The following PTPN13 variants were observed in gnomAD, a reference collection of about 807,000 sequenced individuals.
PTPN13 encodes tyrosine-protein phosphatase non-receptor type 13.
In PTPN13, 191 loss-of-function variants were observed where a neutral mutation model predicts 284.0. That is an observed-to-expected ratio of 0.67 (90% CI 0.60 to 0.76). The LOEUF (loss-of-function observed/expected upper bound fraction) is 0.76, where lower values mean the gene tolerates loss of function less well. Ranked by LOEUF, PTPN13 falls within the 30% of genes least tolerant of loss-of-function variation. The pLI, the probability that PTPN13 is intolerant of heterozygous loss-of-function variation, is 0.00. For synonymous variants in PTPN13, 986 were observed against 1,022.3 expected (o/e 0.96, Z 0.68); for missense variants, 2,797 against 2,939.9 (o/e 0.95, Z 1.12).
intron 32 of PTPN13, among the ~76,000 whole-genome samples, chr4:86,773,242 G>A (rs1228640219): frequency 1.3e-5 from 2 of 152,082 alleles, no homozygotes; most frequent in Non-Finnish European, 2.9e-5. Flanking sequence ...ACTATAAAAT[G>A]GAGCAAGTAA....
At chr4:86,782,693 A>T (rs1055999423) in intron 37 of PTPN13, among the ~76,000 whole-genome samples, 2 of 152,204 alleles carry the variant, frequency 1.3e-5, no homozygotes, top group African/African-American at 4.8e-5. Flanking sequence ...AAGTAGCAAA[A>T]AAATAAATAA....
chr4:86,755,418 C>T (rs570736021), intron 20 of PTPN13, among the ~76,000 whole-genome samples: 10 of 148,984 alleles, frequency 6.7e-5, no homozygotes, highest in Non-Finnish European at 1.5e-4. Flanking sequence ...TATGTAAAAA[C>T]TTTTCCAAGA....
chr4:86,670,732 T>A (rs914460818), intron 2 of PTPN13, among the ~76,000 whole-genome samples: 1 of 152,216 alleles, frequency 6.6e-6, no homozygotes, highest in African/African-American at 2.4e-5. Context: ...AATCTCATGG[T>A]TTTGAATGGT....
At chr4:86,630,813 TA>T (rs959077271) in intron 1 of PTPN13, among the ~76,000 whole-genome samples, 1 of 152,168 alleles carries the variant, frequency 6.6e-6, no homozygotes, top group Non-Finnish European at 1.5e-5. Context: ...TGGATTTAGT[TA>T]ATCTGTTTAC....
intron 4 of PTPN13, among the ~76,000 whole-genome samples, chr4:86,687,428 TAG>T (rs985952293): frequency 6.6e-6 from 1 of 152,140 alleles, no homozygotes; most frequent in African/African-American, 2.4e-5. Context: ...AATTTAAAAA[TAG>T]CTATATTTCA....
At chr4:86,675,684 T>G (rs1170599468) in intron 3 of PTPN13, among the ~76,000 whole-genome samples, 2 of 152,144 alleles carry the variant, frequency 1.3e-5, no homozygotes, top group Admixed American at 1.3e-4. Flanking sequence ...CCTTAAAACT[T>G]TACTTTTCAA....
chr4:86,753,997 T>C (rs1020194648), intron 20 of PTPN13, among the ~76,000 whole-genome samples: 6 of 152,078 alleles, frequency 3.9e-5, no homozygotes, highest in Non-Finnish European at 5.9e-5. Flanking sequence ...AATTGCTGGG[T>C]ATTTTTAGGT....
intron 6 of PTPN13, among the ~76,000 whole-genome samples, chr4:86,697,212 AATAAAACAT>A (rs1730679339): frequency 6.6e-6 from 1 of 152,116 alleles, no homozygotes; most frequent in Non-Finnish European, 1.5e-5. Flanking sequence ...ATACATTATT[AATAAAACAT>A]TTTCTTCAGT....
At chr4:86,788,858 T>C (rs1742284717) in intron 40 of PTPN13, among the ~76,000 whole-genome samples, 2 of 152,132 alleles carry the variant, frequency 1.3e-5, no homozygotes, top group Non-Finnish European at 2.9e-5. Flanking sequence ...TAAAAAGCTA[T>C]AGAAACATAT....
At chr4:86,597,233 G>A (rs566047803) in intron 1 of PTPN13, among the ~76,000 whole-genome samples, 55 of 151,420 alleles carry the variant, frequency 3.6e-4, no homozygotes, top group African/African-American at 1.3e-3. Context: ...AATAACTTAG[G>A]AACTAAATGT....
At chr4:86,741,500 G>A in intron 15 of PTPN13, 134 bp from the exon 16 acceptor site, 1 of 718,830 alleles carries the variant, frequency 1.4e-6, no homozygotes, top group South Asian at 2.0e-5. Context: ...CTCTCAGTGG[G>A]TCTCTCCCAT....
intron 23 of PTPN13, 127 bp from the exon 24 acceptor site, chr4:86,762,600 T>G: frequency 6.9e-6 from 5 of 725,658 alleles, no homozygotes; most frequent in Non-Finnish European, 9.0e-6. Flanking sequence ...ACCAAACACA[T>G]GACCTAATGG....
chr4:86,651,840 C>T (rs1275457145), intron 2 of PTPN13, among the ~76,000 whole-genome samples: 2 of 152,014 alleles, frequency 1.3e-5, no homozygotes, highest in Non-Finnish European at 2.9e-5. Context: ...CCTTTTTCAT[C>T]TCTGCTTTTA....
chr4:86,753,676 C>T (rs1275025677), intron 20 of PTPN13, among the ~76,000 whole-genome samples: 2 of 152,058 alleles, frequency 1.3e-5, no homozygotes, highest in Non-Finnish European at 2.9e-5. Flanking sequence ...TGTCCAGTGA[C>T]TTGAACATCA....
intron 6 of PTPN13, among the ~76,000 whole-genome samples, chr4:86,700,984 A>G (rs1665972069): frequency 6.6e-6 from 1 of 152,210 alleles, no homozygotes. Flanking sequence ...TTTGATGAAT[A>G]TAAAATAATA....
At chr4:86,630,260 C>T (rs574835190) in intron 1 of PTPN13, among the ~76,000 whole-genome samples, 1 of 152,036 alleles carries the variant, frequency 6.6e-6, no homozygotes, top group Non-Finnish European at 1.5e-5. Context: ...ACAGAAAAAA[C>T]CTTCCCAAGT....
Position 86,751,080 on chromosome 4 carries a change from C to A in PTPN13, c.3122C>A (p.Ser1041Ter). ...AGTCCTGAAAGGAGGAAACATGAAT[C>A]AGACTCCTCATCCATTGAAGACCCT... ...NRSPERRKHE[S>*]DSSSIEDPGQ... The change falls in exon 19 of 48, where the codon TCA (serine) becomes TAA (stop). Residue 1041 changes from serine to a stop codon, truncating the protein, a stop_gained. Coordinates refer to ENST00000411767, the MANE Select transcript of PTPN13 (RefSeq NM_080683.3). LOFTEE classifies it high-confidence loss of function. 1 of 1,609,754 alleles carries A rather than the reference C, an allele frequency of 6.2e-7. No individual in the cohort carries two copies. The highest frequency in any genetic ancestry group is 8.5e-7 in the Non-Finnish European group (1 of 1,176,402).
chr4:86,680,246 T>C (rs1728721728), intron 3 of PTPN13, among the ~76,000 whole-genome samples: 1 of 152,164 alleles, frequency 6.6e-6, no homozygotes. Context: ...TCCAGTATGT[T>C]ATAACTGTAT....
chr4:86,755,359 T>TA (rs3035340), intron 20 of PTPN13, among the ~76,000 whole-genome samples: 21,830 of 146,480 alleles, frequency 0.15, 1,955 homozygotes, highest in East Asian at 0.29. Flanking sequence ...TTGCTCAACT[T>TA]AAAAAAAAAA....
Sources: gnomAD v4.1 joint callset for allele counts (sites outside exome capture counted in the v4.1 genomes callset) on GRCh38, gnomAD v4.1.1 for gene constraint, MANE v1.5 for transcripts, NCBI Gene and HGNC (gene_info 2026-07-23, HGNC 2026-07-21) for gene names.